Variants in DACH1 observed in about 807,000 individuals in gnomAD.
The protein encoded by DACH1 is dachshund family transcription factor 1.
DACH1 carries 12 observed loss-of-function variants against 54.2 expected under a neutral mutation model. The ratio of observed to expected loss-of-function variants is 0.22; its 90% CI spans 0.14 to 0.36. The LOEUF is 0.36. Among genes scored for constraint, DACH1 ranks in the 10% least tolerant of loss-of-function variants. The pLI is 1.00. For missense variants in DACH1, 805 were observed against 929.8 expected (o/e 0.87, Z 1.75); for synonymous variants, 386 against 366.2 (o/e 1.05, Z -0.62).
At chr13:71,766,886 TC>T (rs1396123192) in intron 1 of DACH1, among the ~76,000 whole-genome samples, 3 of 151,804 alleles carry the variant, frequency 2.0e-5, no homozygotes, top group Non-Finnish European at 4.4e-5. Context: ...AAAGTTTTTT[TC>T]CCCCAAAGTT....
chr13:71,849,594 C>G (rs1873527828), intron 1 of DACH1, among the ~76,000 whole-genome samples: 1 of 152,152 alleles, frequency 6.6e-6, no homozygotes, highest in Admixed American at 6.5e-5. Context: ...TTATAGGAAG[C>G]TACTGAGAAA....
At chr13:71,615,340 G>C (rs1336777296) in intron 3 of DACH1, among the ~76,000 whole-genome samples, 3 of 152,134 alleles carry the variant, frequency 2.0e-5, no homozygotes, top group Non-Finnish European at 4.4e-5. Context: ...AATGACCACT[G>C]TTCTTCGGTA....
At chr13:71,718,192 A>T (rs1883069901) in intron 1 of DACH1, among the ~76,000 whole-genome samples, 1 of 152,144 alleles carries the variant, frequency 6.6e-6, no homozygotes, top group Admixed American at 6.6e-5. Flanking sequence ...AAGCTAACCA[A>T]ATAAAAGACA....
intron 5 of DACH1, among the ~76,000 whole-genome samples, chr13:71,557,741 G>GC (rs1884341576): frequency 1.3e-5 from 2 of 151,044 alleles, no homozygotes; most frequent in Non-Finnish European, 2.9e-5. Flanking sequence ...CACTATCACA[G>GC]CTGTGTGATT....
intron 1 of DACH1, among the ~76,000 whole-genome samples, chr13:71,713,638 G>T (rs1212086935): frequency 1.3e-5 from 2 of 152,170 alleles, no homozygotes; most frequent in African/African-American, 4.8e-5. Context: ...AGGCAATAAA[G>T]GTATGAAGAC....
chr13:71,439,296 G>A lies in DACH1; in HGVS notation c.*1359C>T, dbSNP rs1225561923. 1 of 152,436 alleles carries A rather than the reference G, an allele frequency of 6.6e-6. No homozygotes were observed. The highest frequency in any genetic ancestry group is 6.6e-5 in the Admixed American group (1 of 15,242). 9.4% of individuals were successfully genotyped at this position (152,436 alleles called of 1,614,324 possible). On this transcript the variant is annotated 3_prime_UTR_variant, in exon 11 of 11. Coordinates refer to ENST00000613252, the MANE Select transcript of DACH1 (RefSeq NM_080759.6). ...AACAAAGAGAAGGTAACTTTAGCAT[G>A]TAATAAGCACTGTTTGCCGCTTTAC...
intron 1 of DACH1, among the ~76,000 whole-genome samples, chr13:71,774,138 A>C (rs1041232885): frequency 6.6e-6 from 1 of 152,114 alleles, no homozygotes; most frequent in African/African-American, 2.4e-5. Context: ...TCTGGTGTTC[A>C]TATTAATCAG....
At position 71,616,139 on chromosome 13, in the gene DACH1, A is replaced by T. The variant is rs188652036; in HGVS notation, c.1126+14417T>A. Among the ~76,000 whole-genome samples, 54 of 152,268 alleles carry T rather than the reference A, an allele frequency of 3.5e-4. 1 individual carries two copies. The highest frequency in any genetic ancestry group is 2.4e-3 in the Admixed American group (37 of 15,290). ...TTTTGTATTTTTAATGCTGAACCAC[A>T]AACATTCTGTTGTTTCCCAATTTTC... is the stretch of plus-strand genomic sequence containing the variant. On this transcript the variant is annotated intron_variant, in intron 3 of 10. Coordinates refer to ENST00000613252, the MANE Select transcript of DACH1 (RefSeq NM_080759.6).
chr13:71,506,328 T>C (rs1880322306), intron 6 of DACH1, among the ~76,000 whole-genome samples: 1 of 126,976 alleles, frequency 7.9e-6, no homozygotes, highest in Admixed American at 1.0e-4. Flanking sequence ...GATATTCCCC[T>C]TCCTGTGTCC....
chr13:71,726,981 TCTG>T (rs1288110461), intron 1 of DACH1, among the ~76,000 whole-genome samples: 1 of 152,062 alleles, frequency 6.6e-6, no homozygotes, highest in Non-Finnish European at 1.5e-5. Flanking sequence ...AATCAATTGA[TCTG>T]CTGTTTTCTA....
At chr13:71,633,175 C>T (rs545377225) in intron 2 of DACH1, among the ~76,000 whole-genome samples, 58 of 152,222 alleles carry the variant, frequency 3.8e-4, no homozygotes, top group African/African-American at 1.3e-3. Flanking sequence ...AAATTAAGTA[C>T]CAGGAACCAT....
chr13:71,673,552 G>A (rs898490559), intron 2 of DACH1, among the ~76,000 whole-genome samples: 5 of 151,838 alleles, frequency 3.3e-5, no homozygotes, highest in Non-Finnish European at 5.9e-5. Flanking sequence ...ATTGTAAAGA[G>A]TAATATGTTC....
At chr13:71,593,876 T>C (rs776820262) in intron 3 of DACH1, among the ~76,000 whole-genome samples, 1 of 151,746 alleles carries the variant, frequency 6.6e-6, no homozygotes, top group African/African-American at 2.4e-5. Context: ...AATAAGTATA[T>C]TTTCTGAAAA....
At chr13:71,649,947 C>T (rs1427942596) in intron 2 of DACH1, among the ~76,000 whole-genome samples, 1 of 152,142 alleles carries the variant, frequency 6.6e-6, no homozygotes, top group Non-Finnish European at 1.5e-5. Flanking sequence ...ATCTCAGACT[C>T]ACATTATGAG....
At chr13:71,520,647 A>G (rs1383119395) in intron 6 of DACH1, among the ~76,000 whole-genome samples, 2 of 151,764 alleles carry the variant, frequency 1.3e-5, no homozygotes, top group African/African-American at 2.4e-5. Context: ...TTATACAATT[A>G]TAGACAATTA....
chr13:71,739,628 T>C (rs1353939931), intron 1 of DACH1, among the ~76,000 whole-genome samples: 7 of 152,160 alleles, frequency 4.6e-5, no homozygotes, highest in Admixed American at 3.3e-4. Context: ...CACAGGTGGG[T>C]AGCAGCCACT....
At chr13:71,615,250 T>C (rs566921538) in intron 3 of DACH1, among the ~76,000 whole-genome samples, 1 of 152,290 alleles carries the variant, frequency 6.6e-6, no homozygotes, top group East Asian at 1.9e-4. Context: ...AATTCATAAG[T>C]GTAGAAATAA....
At chr13:71,635,114 AT>A (rs1332983211) in intron 2 of DACH1, among the ~76,000 whole-genome samples, 1 of 152,196 alleles carries the variant, frequency 6.6e-6, no homozygotes, top group African/African-American at 2.4e-5. Flanking sequence ...ATCAAATTAG[AT>A]TACATGGAAA....
At chr13:71,586,941 T>G (rs980327365) in intron 3 of DACH1, among the ~76,000 whole-genome samples, 4 of 152,108 alleles carry the variant, frequency 2.6e-5, no homozygotes, top group Admixed American at 2.6e-4. Flanking sequence ...CCAAAGTTTT[T>G]CGGTTAAATT....
Sources: gnomAD v4.1 joint callset for allele counts (sites outside exome capture counted in the v4.1 genomes callset) on GRCh38, gnomAD v4.1.1 for gene constraint, MANE v1.5 for transcripts, NCBI Gene and HGNC (gene_info 2026-07-23, HGNC 2026-07-21) for gene names.